The following CSGALNACT1 variants were observed in gnomAD, a reference collection of about 807,000 sequenced individuals.
The protein encoded by CSGALNACT1 is chondroitin sulfate N-acetylgalactosaminyltransferase 1, also known as beta4GalNAcT-1.
CSGALNACT1 carries 52 observed loss-of-function variants against 51.0 expected under a neutral mutation model. The ratio of observed to expected loss-of-function variants is 1.02; its 90% CI spans 0.82 to 1.29. CSGALNACT1 has a LOEUF of 1.29. CSGALNACT1 is among the 50% of genes most tolerant of loss of function. The probability of loss-of-function intolerance (pLI) is 0.00; values close to 1 mark genes in which losing one functional copy is unlikely to be tolerated. For synonymous variants in CSGALNACT1, 341 were observed against 254.4 expected (o/e 1.34, Z -3.24); for missense variants, 935 against 679.2 (o/e 1.38, Z -4.19).
chr8:19,673,285 C>T (rs1393743669), intron 1 of CSGALNACT1, among the ~76,000 whole-genome samples: 1 of 152,206 alleles, frequency 6.6e-6, no homozygotes, highest in Admixed American at 6.5e-5. Context: ...ACTGCAGCTT[C>T]ACAACTAACC....
At chr8:19,526,830 C>G (rs2081808246) in intron 3 of CSGALNACT1, among the ~76,000 whole-genome samples, 1 of 152,158 alleles carries the variant, frequency 6.6e-6, no homozygotes, top group Non-Finnish European at 1.5e-5. Flanking sequence ...AAGTACTTGG[C>G]TCACTTTTTT....
At chr8:19,593,468 C>A (rs1004636698) in intron 2 of CSGALNACT1, among the ~76,000 whole-genome samples, 2 of 152,198 alleles carry the variant, frequency 1.3e-5, no homozygotes, top group African/African-American at 2.4e-5. Flanking sequence ...GGGCCTGGGG[C>A]CCAATGGCTC....
chr8:19,708,022 A>G (rs931207943), intron 1 of CSGALNACT1, among the ~76,000 whole-genome samples: 1 of 152,134 alleles, frequency 6.6e-6, no homozygotes, highest in East Asian at 1.9e-4. Context: ...AAGAAAAACT[A>G]TATTAGATAT....
chr8:19,459,625 G>C (rs978991718), intron 4 of CSGALNACT1, among the ~76,000 whole-genome samples: 2 of 152,070 alleles, frequency 1.3e-5, no homozygotes, highest in Non-Finnish European at 2.9e-5. Context: ...CAGGGAATCA[G>C]AGCACAAACT....
chr8:19,449,059 T>C (rs1343982048), intron 5 of CSGALNACT1, among the ~76,000 whole-genome samples: 1 of 152,166 alleles, frequency 6.6e-6, no homozygotes. Flanking sequence ...ATTTGAGTAG[T>C]CTGATCAGTG....
At chr8:19,578,833 A>G (rs142383942) in intron 3 of CSGALNACT1, among the ~76,000 whole-genome samples, 61 of 152,118 alleles carry the variant, frequency 4.0e-4, no homozygotes, top group Middle Eastern at 3.4e-3. Flanking sequence ...AAATCCCAAC[A>G]TTTTTGAGTC....
intron 1 of CSGALNACT1, among the ~76,000 whole-genome samples, chr8:19,677,352 C>T (rs1252887601): frequency 2.6e-5 from 4 of 152,182 alleles, no homozygotes; most frequent in African/African-American, 4.8e-5. Context: ...CTCAAGTCAT[C>T]CTCCCACCTC....
chr8:19,681,954 A>C (rs1328038167), intron 1 of CSGALNACT1, among the ~76,000 whole-genome samples: 1 of 152,104 alleles, frequency 6.6e-6, no homozygotes, highest in African/African-American at 2.4e-5. Context: ...CCATTTTCTC[A>C]AGGGTGAAGC....
chr8:19,638,395 T>G (rs963836876), intron 1 of CSGALNACT1, among the ~76,000 whole-genome samples: 3 of 152,146 alleles, frequency 2.0e-5, no homozygotes, highest in African/African-American at 7.2e-5. Flanking sequence ...CCACTTGTCT[T>G]TGGGTTCAAC....
intron 4 of CSGALNACT1, among the ~76,000 whole-genome samples, chr8:19,464,287 G>A (rs923178026): frequency 2.0e-5 from 3 of 152,024 alleles, no homozygotes; most frequent in Admixed American, 1.3e-4. Flanking sequence ...GGCCCAGTCG[G>A]TCCCACACAT....
chr8:19,529,105 T>C (rs1249802160), intron 3 of CSGALNACT1, among the ~76,000 whole-genome samples: 4 of 152,092 alleles, frequency 2.6e-5, no homozygotes, highest in Non-Finnish European at 5.9e-5. Flanking sequence ...TGCCGAGAAA[T>C]CAAGTAAGCT....
intron 4 of CSGALNACT1, among the ~76,000 whole-genome samples, chr8:19,503,311 AAAG>A (rs1419805104): frequency 2.6e-5 from 4 of 152,198 alleles, no homozygotes; most frequent in East Asian, 1.9e-4. Flanking sequence ...TGTGTCTCTA[AAAG>A]AAGGTCAGCC....
At chr8:19,744,128 C>A (rs2064495000) in intron 1 of CSGALNACT1, among the ~76,000 whole-genome samples, 1 of 152,156 alleles carries the variant, frequency 6.6e-6, no homozygotes, top group South Asian at 2.1e-4. Flanking sequence ...AATCAATGTG[C>A]ACAAATCAGG....
chr8:19,522,900 T>C (rs563132232), intron 3 of CSGALNACT1, among the ~76,000 whole-genome samples: 1 of 152,354 alleles, frequency 6.6e-6, no homozygotes, highest in African/African-American at 2.4e-5. Context: ...AAGATGTCTG[T>C]GGTGAGCGGA....
At chr8:19,454,055 A>G (rs1362434672) in intron 5 of CSGALNACT1, among the ~76,000 whole-genome samples, 3 of 152,238 alleles carry the variant, frequency 2.0e-5, no homozygotes, top group Non-Finnish European at 4.4e-5. Context: ...AGAGAGACAA[A>G]GTAAAGTGGT....
chr8:19,596,607 A>G (rs1487039765), intron 2 of CSGALNACT1, among the ~76,000 whole-genome samples: 2 of 151,992 alleles, frequency 1.3e-5, no homozygotes, highest in Non-Finnish European at 2.9e-5. Flanking sequence ...AAAAAAAAAG[A>G]CAACAAAGTC....
chr8:19,726,338 C>T (rs1589716146), intron 1 of CSGALNACT1, among the ~76,000 whole-genome samples: 1 of 151,898 alleles, frequency 6.6e-6, no homozygotes, highest in African/African-American at 2.4e-5. Flanking sequence ...TGTTAACTAC[C>T]TTGATAAATA....
chr8:19,654,415 G>A (rs561404792), intron 1 of CSGALNACT1, among the ~76,000 whole-genome samples: 21 of 152,272 alleles, frequency 1.4e-4, no homozygotes, highest in African/African-American at 3.1e-4. Flanking sequence ...AAAAGCTTTC[G>A]AATCAGGTGA....
intron 3 of CSGALNACT1, among the ~76,000 whole-genome samples, chr8:19,562,731 T>C (rs894625147): frequency 6.6e-6 from 1 of 152,182 alleles, no homozygotes; most frequent in Non-Finnish European, 1.5e-5. Flanking sequence ...CACAATGAGA[T>C]ACCACCTCAT....
Sources: gnomAD v4.1 joint callset for allele counts (sites outside exome capture counted in the v4.1 genomes callset) on GRCh38, gnomAD v4.1.1 for gene constraint, MANE v1.5 for transcripts, NCBI Gene and HGNC (gene_info 2026-07-23, HGNC 2026-07-21) for gene names.